The following DPYSL5 variants were observed in gnomAD, a reference collection of about 807,000 sequenced individuals.
DPYSL5 encodes the protein dihydropyrimidinase-related protein 5.
In DPYSL5, 9 loss-of-function variants were observed where a neutral mutation model predicts 58.4. The ratio of observed to expected loss-of-function variants is 0.15; its 90% CI spans 0.09 to 0.27. The LOEUF (loss-of-function observed/expected upper bound fraction) is 0.27. Among genes scored for constraint, DPYSL5 ranks in the 10% least tolerant of loss-of-function variants. The pLI is 1.00. For synonymous variants in DPYSL5, 293 were observed against 301.9 expected (o/e 0.97, Z 0.31); for missense variants, 499 against 770.6 (o/e 0.65, Z 4.17).
intron 1 of DPYSL5, among the ~76,000 whole-genome samples, chr2:26,888,219 T>TTCTC (rs200435753): frequency 1.0e-5 from 1 of 98,262 alleles, no homozygotes; most frequent in Non-Finnish European, 2.1e-5. Context: ...TTTTCTTTCT[T>TTCTC]TCTTTCTTTC....
At chr2:26,868,777 TTCTCAACTCC>T (rs1448755689) in intron 1 of DPYSL5, among the ~76,000 whole-genome samples, 7 of 152,214 alleles carry the variant, frequency 4.6e-5, no homozygotes, top group Admixed American at 2.6e-4. Flanking sequence ...TTTTATAATT[TTCTCAACTCC>T]TCTCAATTCC....
rs1665352534 is a variant in DPYSL5 at position 26,942,573 on chromosome 2, A to G, written c.1263A>G (p.Gly421=). 1 of 1,613,970 alleles carries G rather than the reference A, an allele frequency of 6.2e-7. No individual in the cohort carries two copies. The highest frequency in any genetic ancestry group is 8.5e-7 in the Non-Finnish European group (1 of 1,180,028). ...TCTCAGCCAGCACGCAGGTCCAGGG[A>G]GGAGACTTCAACCTGTATGAGAACA... ...KTISASTQVQ[G]GDFNLYENMR... is the part of the protein sequence containing the mutation. Residue 421 remains glycine, a synonymous_variant, in exon 11 of 13, where the codon GGA becomes GGG. Transcript: ENST00000288699. The surrounding 1 kb of genome is among the most constrained non-coding windows in gnomAD (Gnocchi z 5.9).
chr2:26,874,977 C>T (rs1015285953), intron 1 of DPYSL5, among the ~76,000 whole-genome samples: 1 of 152,158 alleles, frequency 6.6e-6, no homozygotes, highest in African/African-American at 2.4e-5. Context: ...TGATATATTA[C>T]ATTTATTTAG....
In DPYSL5 at chr2:26,934,378, T is replaced by C. The variant is rs916760212; in HGVS notation, c.791-200T>C. Among the ~76,000 whole-genome samples the C allele has an allele frequency of 6.6e-6, 1 of 152,176 alleles. No individual in the cohort carries two copies. Among genetic ancestry groups the C allele is most frequent in the African/African-American group, 2.4e-5 (1 of 41,454 alleles). The stretch of plus-strand genomic sequence containing the variant: ...CTGGGCCTCGGTGCCCATGTCCCTC[T>C]GTCCTCCTTGCCTAAGTCAGCAGAA... On this transcript the variant is annotated intron_variant, in intron 7 of 12. Transcript: ENST00000288699. This position sits in a 1 kb window ranked among gnomAD's most constrained non-coding sequence, Gnocchi z 4.3.
chr2:26,884,664 T>G (rs1471170883), intron 1 of DPYSL5, among the ~76,000 whole-genome samples: 2 of 152,074 alleles, frequency 1.3e-5, no homozygotes, highest in East Asian at 3.9e-4. Context: ...TCACAGCTAA[T>G]CCTTTGCAAT....
intron 2 of DPYSL5, among the ~76,000 whole-genome samples, chr2:26,921,450 T>G (rs1421670125): frequency 6.6e-6 from 1 of 152,214 alleles, no homozygotes; most frequent in East Asian, 1.9e-4. Context: ...TTAAACATCA[T>G]CCTTTTGAAA....
Position 26,944,534 on chromosome 2 carries a change from T to G in DPYSL5, c.1441-122T>G. 5.4e-6 allele frequency: 6 copies of G among 1,105,160 alleles called. No homozygotes were observed. Among genetic ancestry groups the G allele is most frequent in the Non-Finnish European group, 6.5e-6 (5 of 769,382 alleles). 68.5% of individuals were successfully genotyped at this position (1,105,160 alleles called of 1,614,324 possible). ...AAGAAGCCTTGGTCACTTGCAGTGA[T>G]TTGGGTCTTGGGCAGAGTGGCAGTG... On this transcript the variant is annotated intron_variant, in intron 11 of 12. Coordinates refer to ENST00000288699, the MANE Select transcript of DPYSL5 (RefSeq NM_020134.4). This position sits in a 1 kb window ranked among gnomAD's most constrained non-coding sequence, Gnocchi z 4.4.
chr2:26,893,768 G>A (rs1663946052), intron 1 of DPYSL5, among the ~76,000 whole-genome samples: 1 of 152,146 alleles, frequency 6.6e-6, no homozygotes, highest in Non-Finnish European at 1.5e-5. Context: ...TGAAGGCAAT[G>A]GATCTAGTGA....
Position 26,942,893 on chromosome 2 carries a change from T to A in DPYSL5, c.1440+143T>A. On this transcript the variant is annotated intron_variant, in intron 11 of 12. Transcript: ENST00000288699. This position sits in a 1 kb window ranked among gnomAD's most constrained non-coding sequence, Gnocchi z 5.9. Reference sequence around the variant, plus strand: ...ACTTTCTCCAGCGTTGAGAGGGGAGTGTGCGGCAGCGCCAGGGAACGCTAG... The same window carrying A: ...ACTTTCTCCAGCGTTGAGAGGGGAGAGTGCGGCAGCGCCAGGGAACGCTAG... The A allele has an allele frequency of 1.0e-6, 1 of 952,734 alleles. No individual in the cohort carries two copies. The highest frequency in any genetic ancestry group is 1.5e-6 in the Non-Finnish European group (1 of 646,268). 59.0% of individuals were successfully genotyped at this position (952,734 alleles called of 1,614,324 possible). A position where few individuals can be genotyped will look rare whatever the true frequency, so the allele number is the denominator to read the frequency against.
intron 2 of DPYSL5, among the ~76,000 whole-genome samples, chr2:26,915,689 C>G: frequency 6.6e-6 from 1 of 152,254 alleles, no homozygotes; most frequent in Non-Finnish European, 1.5e-5. Context: ...TTTTCCTAAG[C>G]CTCACCTTGG....
In DPYSL5 at chr2:26,934,000, T is replaced by A. The variant is rs1665103628; in HGVS notation, c.791-578T>A. The stretch of plus-strand genomic sequence containing the variant: ...TAATCGATCAGAAGCAAGGGCATCC[T>A]GGCCTTCAACTCTATCGCCCTCTAG... On this transcript the variant is annotated intron_variant, in intron 7 of 12. Transcript: ENST00000288699. The surrounding 1 kb of genome is among the most constrained non-coding windows in gnomAD (Gnocchi z 4.2). Among the ~76,000 whole-genome samples the A allele has an allele frequency of 6.6e-6, 1 of 152,116 alleles. No homozygotes were observed. The highest frequency in any genetic ancestry group is 1.5e-5 in the Non-Finnish European group (1 of 67,996).
At position 26,942,127 on chromosome 2, in the gene DPYSL5, G is replaced by T; in HGVS notation, c.1232+35G>T. 6.2e-7 allele frequency: 1 copy of T among 1,608,466 alleles called. No individual in the cohort carries two copies. Among genetic ancestry groups the T allele is most frequent in the Non-Finnish European group, 8.5e-7 (1 of 1,177,594 alleles). On this transcript the variant is annotated intron_variant, in intron 10 of 12. Coordinates refer to ENST00000288699, the MANE Select transcript of DPYSL5 (RefSeq NM_020134.4). This position sits in a 1 kb window ranked among gnomAD's most constrained non-coding sequence, Gnocchi z 5.9. ...GTTGCTCGTCCCCAGGGCTAGAGGG[G>T]CTTGGGATTTTGAAGAAGACTTGCA... is the stretch of plus-strand genomic sequence containing the variant.
At chr2:26,872,467 G>A (rs1031098787) in intron 1 of DPYSL5, among the ~76,000 whole-genome samples, 1 of 152,116 alleles carries the variant, frequency 6.6e-6, no homozygotes, top group Non-Finnish European at 1.5e-5. Flanking sequence ...CGAGGTGGGC[G>A]GATCACGAGG....
At chr2:26,867,976 C>A (rs1663149402) in intron 1 of DPYSL5, among the ~76,000 whole-genome samples, 1 of 152,326 alleles carries the variant, frequency 6.6e-6, no homozygotes, top group Middle Eastern at 3.4e-3. Flanking sequence ...CACCACCACT[C>A]CCAATTTGCA....
At chr2:26,870,821 G>A (rs930429157) in intron 1 of DPYSL5, among the ~76,000 whole-genome samples, 1 of 152,116 alleles carries the variant, frequency 6.6e-6, no homozygotes, top group Non-Finnish European at 1.5e-5. Context: ...CAACAAGGTT[G>A]AGAGGTAGCT....
At chr2:26,899,640 C>T (rs541195380) in intron 2 of DPYSL5, among the ~76,000 whole-genome samples, 29 of 152,274 alleles carry the variant, frequency 1.9e-4, no homozygotes, top group Admixed American at 1.4e-3. Flanking sequence ...GGACCAGCCC[C>T]ACCTCAAGCA....
chr2:26,919,667 C>T (rs1405596022), intron 2 of DPYSL5, among the ~76,000 whole-genome samples: 1 of 152,002 alleles, frequency 6.6e-6, no homozygotes, highest in East Asian at 1.9e-4. Context: ...GATAAATGGG[C>T]ACTTTTGGTC....
chr2:26,870,023 CA>C (rs1302217682), intron 1 of DPYSL5, among the ~76,000 whole-genome samples: 1 of 152,112 alleles, frequency 6.6e-6, no homozygotes, highest in Non-Finnish European at 1.5e-5. Flanking sequence ...AACAAACAAA[CA>C]AAAACATAAT....
intron 5 of DPYSL5, among the ~76,000 whole-genome samples, chr2:26,928,738 C>CACACACATATAT: frequency 1.1e-5 from 1 of 88,326 alleles, no homozygotes; most frequent in African/African-American, 4.1e-5. Context: ...TACGCACACA[C>CACACACATATAT]ACGCACACAC....
Sources: gnomAD v4.1 joint callset for allele counts (sites outside exome capture counted in the v4.1 genomes callset) on GRCh38, gnomAD v4.1.1 for gene constraint, Gnocchi (gnomAD v3.1) non-coding constraint, MANE v1.5 for transcripts, NCBI Gene and HGNC (gene_info 2026-07-23, HGNC 2026-07-21) for gene names.